The following DDX4 variants were observed in gnomAD, a reference collection of about 807,000 sequenced individuals.
The protein encoded by DDX4 is DEAD-box helicase 4.
DDX4 carries 25 observed loss-of-function variants against 100.0 expected under a neutral mutation model. The ratio of observed to expected loss-of-function variants is 0.25; its 90% CI spans 0.18 to 0.35. The LOEUF (loss-of-function observed/expected upper bound fraction) is 0.35, where lower values mean the gene tolerates loss of function less well. Among genes scored for constraint, DDX4 ranks in the 10% least tolerant of loss-of-function variants. The pLI is 1.00. For synonymous variants in DDX4, 259 were observed against 275.7 expected (o/e 0.94, Z 0.60); for missense variants, 635 against 882.4 (o/e 0.72, Z 3.55).
At chr5:55,805,051 A>T (rs1458605685) in intron 18 of DDX4, among the ~76,000 whole-genome samples, 11 of 151,770 alleles carry the variant, frequency 7.2e-5, no homozygotes, top group African/African-American at 1.7e-4. Context: ...CCCTTGTAAG[A>T]TGGATTCCTA....
intron 16 of DDX4, among the ~76,000 whole-genome samples, chr5:55,791,070 G>A (rs1742531017): frequency 6.6e-6 from 1 of 152,156 alleles, no homozygotes; most frequent in South Asian, 2.1e-4. Context: ...TTTCATACAT[G>A]TCTTGGGGAA....
At chr5:55,760,322 T>C in intron 4 of DDX4, 45 bp downstream of exon 4, 1 of 1,507,840 alleles carries the variant, frequency 6.6e-7, no homozygotes, top group East Asian at 2.6e-5. Flanking sequence ...TGTTGAATAA[T>C]TGGATATATA....
In DDX4 at chr5:55,785,879, TATTA is replaced by T. The variant is rs543963936; in HGVS notation, c.864+12_864+15del. On this transcript the variant is annotated intron_variant, in intron 13 of 21. Coordinates refer to ENST00000505374, the MANE Select transcript of DDX4 (RefSeq NM_024415.3). ...GCACCACCAGCAATTCTGGTCAGTG[TATTA>T]ATTGTTTCTGTATTAGCTATGTAGC... 2,422 of 1,595,620 alleles carry T rather than the reference TATTA, an allele frequency of 1.5e-3. 6 individuals carry two copies. The highest frequency in any genetic ancestry group is 1.8e-3 in the South Asian group (161 of 90,438).
intron 18 of DDX4, among the ~76,000 whole-genome samples, chr5:55,809,056 G>T (rs1460513155): frequency 6.6e-6 from 1 of 152,232 alleles, no homozygotes; most frequent in Non-Finnish European, 1.5e-5. Context: ...CTTGCAGTTT[G>T]ATCTCAGACT....
rs548934122 is a variant in DDX4 at position 55,748,848 on chromosome 5, C to T, written c.127+2627C>T. On this transcript the variant is annotated intron_variant, in intron 3 of 21. Transcript: ENST00000505374. Reference sequence around the variant, plus strand: ...CTGTGTATATTCCCACATACATGATCGTATGCCACTGGCATAATATATTAA... The same window carrying T: ...CTGTGTATATTCCCACATACATGATTGTATGCCACTGGCATAATATATTAA... Among the ~76,000 whole-genome samples, 5 of 152,158 alleles carry T rather than the reference C, an allele frequency of 3.3e-5. No homozygotes were observed. In the East Asian group the frequency reaches 5.8e-4, roughly 18 times the overall value.
chr5:55,796,823 C>CTTTTTTT (rs3990072), intron 17 of DDX4, among the ~76,000 whole-genome samples: 603 of 59,934 alleles, frequency 0.01, 71 homozygotes, highest in Non-Finnish European at 0.014. Flanking sequence ...TTCTTTCTTT[C>CTTTTTTT]TTTTTTTTTT....
Position 55,785,717 on chromosome 5 carries a change from T to A in DDX4, c.722-12T>A. ...CTGTAACGTACATTATGTTTTTAAT[T>A]TAAATTCCAAGGACCAAAAGTGACC... On this transcript the variant is annotated splice_polypyrimidine_tract_variant and intron_variant, in intron 12 of 21. Coordinates refer to ENST00000505374, the MANE Select transcript of DDX4 (RefSeq NM_024415.3). The A allele has an allele frequency of 6.2e-7, 1 of 1,606,274 alleles. No homozygotes were observed.
intron 6 of DDX4, among the ~76,000 whole-genome samples, chr5:55,765,879 A>G (rs1188944840): frequency 6.6e-6 from 1 of 151,890 alleles, no homozygotes; most frequent in Non-Finnish European, 1.5e-5. Context: ...GTCTTGGCTC[A>G]CTGCAACCTC....
chr5:55,770,007 A>G (rs917971644), intron 7 of DDX4, among the ~76,000 whole-genome samples: 3 of 151,894 alleles, frequency 2.0e-5, no homozygotes, highest in Non-Finnish European at 2.9e-5. Flanking sequence ...AGCTGGGACT[A>G]CAGGCATGTG....
intron 19 of DDX4, among the ~76,000 whole-genome samples, chr5:55,814,560 G>T (rs1462316531): frequency 2.6e-5 from 4 of 151,598 alleles, no homozygotes; most frequent in Non-Finnish European, 5.9e-5. Flanking sequence ...GCAATGGCAC[G>T]ATCTCAGCTC....
intron 3 of DDX4, 37 bp from the exon 4 acceptor site, chr5:55,760,161 GTT>G: frequency 6.4e-7 from 1 of 1,553,940 alleles, no homozygotes. Flanking sequence ...CTAGATACTT[GTT>G]TTTATTTGAC....
rs762295660 is a variant in DDX4 at position 55,790,739 on chromosome 5, T to A, written c.1302+34T>A. 3 of 1,599,254 alleles carry A rather than the reference T, an allele frequency of 1.9e-6. No individual in the cohort carries two copies. The African/African-American group carries it at 4.0e-5, about 21-fold the overall frequency. On this transcript the variant is annotated intron_variant, in intron 16 of 21. Coordinates refer to ENST00000505374, the MANE Select transcript of DDX4 (RefSeq NM_024415.3). ...TATAGGAATAATGAAGTTGTGAGAT[T>A]GATACTTTTTGTTTGGTATGGGAAA...
chr5:55,793,909 C>CA (rs1486595491), intron 17 of DDX4, among the ~76,000 whole-genome samples: 1 of 152,166 alleles, frequency 6.6e-6, no homozygotes, highest in Non-Finnish European at 1.5e-5. Context: ...GGGCCTGTCC[C>CA]AACACCTCTT....
intron 13 of DDX4, 145 bp downstream of exon 13, chr5:55,786,016 A>G (rs1043390591): frequency 1.8e-6 from 1 of 555,392 alleles, no homozygotes. Flanking sequence ...ATGATGTCTT[A>G]CCATCTATAA....
intron 6 of DDX4, chr5:55,766,924 C>T (rs1342582060): frequency 1.3e-5 from 19 of 1,514,734 alleles, no homozygotes; most frequent in Non-Finnish European, 1.7e-5. Flanking sequence ...ATAAACATTT[C>T]TGGGAATGGG....
chr5:55,790,289 C>T (rs913155376), intron 15 of DDX4, among the ~76,000 whole-genome samples: 5 of 151,582 alleles, frequency 3.3e-5, no homozygotes, highest in African/African-American at 9.7e-5. Context: ...GGATTATAGG[C>T]GCATGCTACC....
At chr5:55,806,981 A>G (rs988479797) in intron 18 of DDX4, among the ~76,000 whole-genome samples, 5 of 152,240 alleles carry the variant, frequency 3.3e-5, no homozygotes, top group African/African-American at 9.6e-5. Flanking sequence ...GTCTCTAAGG[A>G]CTTGCTTTAT....
At chr5:55,766,445 T>A (rs1021334441) in intron 6 of DDX4, among the ~76,000 whole-genome samples, 1 of 151,892 alleles carries the variant, frequency 6.6e-6, no homozygotes, top group African/African-American at 2.4e-5. Flanking sequence ...TTTGTTTTTT[T>A]TTTTTTTTTC....
At chr5:55,809,080 T>C (rs1184111437) in intron 18 of DDX4, among the ~76,000 whole-genome samples, 1 of 152,222 alleles carries the variant, frequency 6.6e-6, no homozygotes, top group African/African-American at 2.4e-5. Context: ...GTGCTAGCAA[T>C]GAGCGAGGCT....
Sources: gnomAD v4.1 joint callset for allele counts (sites outside exome capture counted in the v4.1 genomes callset) on GRCh38, gnomAD v4.1.1 for gene constraint, MANE v1.5 for transcripts, NCBI Gene and HGNC (gene_info 2026-07-23, HGNC 2026-07-21) for gene names.